Variants in FRY observed in about 807,000 individuals in gnomAD.
The protein encoded by FRY is protein furry homolog.
A neutral mutation model predicts 348.4 loss-of-function variants in FRY; 128 were observed. The ratio of observed to expected loss-of-function variants is 0.37; its 90% CI spans 0.32 to 0.43. The LOEUF (loss-of-function observed/expected upper bound fraction) is 0.43, where lower values mean the gene tolerates loss of function less well. Among genes scored for constraint, FRY ranks in the 20% least tolerant of loss-of-function variants. FRY has a pLI of 1.00. For synonymous variants in FRY, 1,370 were observed against 1,374.7 expected (o/e 1.00, Z 0.08); for missense variants, 2,736 against 3,695.2 (o/e 0.74, Z 6.73).
At chr13:32,042,181 G>A (rs547417260) in intron 1 of FRY, among the ~76,000 whole-genome samples, 191 of 152,142 alleles carry the variant, frequency 1.3e-3, no homozygotes, top group Non-Finnish European at 5.0e-4. Context: ...AAAGGAAGAA[G>A]GGAGGAAGGG....
intron 16 of FRY, 74 bp from the exon 17 acceptor site, chr13:32,161,070 C>T: frequency 3.1e-6 from 3 of 952,414 alleles, no homozygotes; most frequent in Middle Eastern, 4.2e-4. Flanking sequence ...AGTCTTTGTT[C>T]ATGCACTTAA....
intron 51 of FRY, among the ~76,000 whole-genome samples, chr13:32,257,669 A>G (rs527987135): frequency 2.6e-5 from 4 of 152,270 alleles, no homozygotes; most frequent in Non-Finnish European, 5.9e-5. Flanking sequence ...TGAGGAGACC[A>G]AAGTTGTCAC....
At chr13:32,071,861 G>A (rs565236672) in intron 1 of FRY, among the ~76,000 whole-genome samples, 5 of 152,078 alleles carry the variant, frequency 3.3e-5, no homozygotes, top group East Asian at 1.9e-4. Flanking sequence ...AATTTGGTAA[G>A]AGAGTAGATC....
At chr13:32,266,289 G>T (rs960154146) in intron 54 of FRY, among the ~76,000 whole-genome samples, 4 of 152,148 alleles carry the variant, frequency 2.6e-5, no homozygotes, top group Non-Finnish European at 4.4e-5. Flanking sequence ...CAAAGGAAAA[G>T]GTTAAGGTAA....
At chr13:32,226,679 T>C (rs7992848) in intron 39 of FRY, among the ~76,000 whole-genome samples, 91,573 of 152,096 alleles carry the variant, frequency 0.6, 28,742 homozygotes, top group African/African-American at 0.79. Context: ...TTTTACACAT[T>C]GCATTGGCGC....
chr13:32,156,105 C>T (rs1593676500), intron 15 of FRY, among the ~76,000 whole-genome samples: 1 of 152,174 alleles, frequency 6.6e-6, no homozygotes. Context: ...TGGATTTAGA[C>T]TACATGAGAT....
chr13:32,276,633 G>A lies in FRY; in HGVS notation c.8385+71G>A, dbSNP rs911088211. On this transcript the variant is annotated intron_variant, in intron 57 of 60. Transcript: ENST00000542859. ...TGAACCCAACCACTCTGAGTTCTTG[G>A]GCGGGGTTGTGATTAACTTAAGACT... 1.2e-5 allele frequency: 10 copies of A among 827,522 alleles called. No homozygotes were observed. In the Admixed American group the frequency reaches 1.5e-4, roughly 13 times the overall value. The allele number at this position is 827,522 out of a possible 1,614,324, so 51.3% of individuals were successfully genotyped here.
chr13:32,228,694 G>A (rs372568211), intron 40 of FRY, 40 bp downstream of exon 40: 62 of 1,574,924 alleles, frequency 3.9e-5, no homozygotes, highest in Non-Finnish European at 5.2e-5. Flanking sequence ...TTGCAGGTTG[G>A]TCTTTCGGAA....
rs138234604 is a variant in FRY, at chr13:32,082,461, CA to C, written c.270+3431del. 5.4e-3 allele frequency among the ~76,000 whole-genome samples: 827 copies of C among 152,236 alleles called. 9 individuals are homozygous for C. Among genetic ancestry groups the C allele is most frequent in the African/African-American group, 0.019 (791 of 41,552 alleles). On this transcript the variant is annotated intron_variant, in intron 2 of 60. Transcript: ENST00000542859. ...TTATCATTATTTCACCTTTCCCAAG[CA>C]AAGTGTTCTAAACAAGCTAATGGGG... is the stretch of plus-strand genomic sequence containing the variant.
At chr13:32,218,419 G>A (rs146360546) in intron 35 of FRY, among the ~76,000 whole-genome samples, 120 of 152,258 alleles carry the variant, frequency 7.9e-4, no homozygotes, top group African/African-American at 2.8e-3. Context: ...AGTTGCTCAC[G>A]CCTGTAATCT....
chr13:32,105,226 G>T (rs564241961), intron 3 of FRY, among the ~76,000 whole-genome samples: 90 of 152,334 alleles, frequency 5.9e-4, no homozygotes, highest in Middle Eastern at 3.4e-3. Flanking sequence ...TGTGAATGGG[G>T]TTAGGTGCTC....
At chr13:32,095,675 CCATT>C (rs1459268792) in intron 2 of FRY, among the ~76,000 whole-genome samples, 1 of 152,056 alleles carries the variant, frequency 6.6e-6, no homozygotes, top group Non-Finnish European at 1.5e-5. Flanking sequence ...TGATGTGATC[CCATT>C]TGTTAATTTT....
At chr13:32,064,093 G>A (rs77540518) in intron 1 of FRY, among the ~76,000 whole-genome samples, 1,540 of 152,212 alleles carry the variant, frequency 0.01, 13 homozygotes, top group South Asian at 0.041. Flanking sequence ...TAGGAAATGC[G>A]TATATAATAT....
rs1027176593 is a variant in FRY, at chr13:32,178,775, T to G, written c.2682-69T>G. On this transcript the variant is annotated intron_variant, in intron 21 of 60. Transcript: ENST00000542859. ...CTCTATTTGAGTACTTCCTATGATC[T>G]TTATTTAATAAGTGATATTTAAAAT... 6.5e-6 allele frequency: 7 copies of G among 1,071,076 alleles called. No homozygotes were observed. The African/African-American group carries it at 9.3e-5, about 14-fold the overall frequency. The allele number at this position is 1,071,076 out of a possible 1,614,324, so 66.3% of individuals were successfully genotyped here. A position where few individuals can be genotyped will look rare whatever the true frequency, so the allele number is the denominator to read the frequency against.
At chr13:32,263,919 A>G (rs926993309) in intron 53 of FRY, among the ~76,000 whole-genome samples, 4 of 152,146 alleles carry the variant, frequency 2.6e-5, no homozygotes, top group African/African-American at 9.7e-5. Flanking sequence ...GAGGCAGAGA[A>G]TTGCTTGAAC....
At chr13:32,073,241 C>A (rs1166431941) in intron 1 of FRY, among the ~76,000 whole-genome samples, 1 of 152,144 alleles carries the variant, frequency 6.6e-6, no homozygotes, top group Non-Finnish European at 1.5e-5. Context: ...TTAGTTCATG[C>A]CCTTCACAGG....
chr13:32,186,464 TCTCTCTCGTTA>T (rs1284804150), intron 27 of FRY, 44 bp downstream of exon 27: 1 of 1,210,778 alleles, frequency 8.3e-7, no homozygotes, highest in Non-Finnish European at 1.2e-6. Context: ...AGATGGATGG[TCTCTCTCGTTA>T]AACTAATAAC....
At chr13:32,199,346 C>A (rs1323241067) in intron 29 of FRY, among the ~76,000 whole-genome samples, 1 of 152,092 alleles carries the variant, frequency 6.6e-6, no homozygotes, top group Non-Finnish European at 1.5e-5. Flanking sequence ...ATGATATGTT[C>A]CTAGAATGGA....
chr13:32,216,407 T>A (rs1364157569), intron 35 of FRY, among the ~76,000 whole-genome samples: 5 of 152,202 alleles, frequency 3.3e-5, no homozygotes, highest in Admixed American at 2.6e-4. Flanking sequence ...TCCTCCCCTT[T>A]ATTCCAGCCT....
Sources: allele counts gnomAD v4.1 joint callset (sites outside exome capture counted in the v4.1 genomes callset), GRCh38; gene constraint gnomAD v4.1.1; transcripts MANE v1.5; gene names NCBI Gene and HGNC (gene_info 2026-07-23, HGNC 2026-07-21).